ADARB2: variants seen among roughly 807,000 people sequenced by gnomAD.
ADARB2 encodes the protein adenosine deaminase RNA specific B2 (inactive).
ADARB2 carries 25 observed loss-of-function variants against 62.2 expected under a neutral mutation model. That is an observed-to-expected ratio of 0.40 (90% CI 0.29 to 0.56). The LOEUF is 0.56. Ranked by LOEUF, ADARB2 falls within the 20% of genes least tolerant of loss-of-function variation. The pLI, the probability that ADARB2 is intolerant of heterozygous loss-of-function variation, is 0.43. For synonymous variants in ADARB2, 572 were observed against 500.8 expected (o/e 1.14, Z -1.90); for missense variants, 1,071 against 1,077.4 (o/e 0.99, Z 0.08).
intron 4 of ADARB2, among the ~76,000 whole-genome samples, chr10:1,263,492 T>C (rs958661129): frequency 2.6e-5 from 4 of 152,204 alleles, no homozygotes; most frequent in African/African-American, 9.7e-5. Flanking sequence ...CTTTGAGATA[T>C]AATATGGCGT....
intron 3 of ADARB2, among the ~76,000 whole-genome samples, chr10:1,316,677 T>A (rs1831742790): frequency 1.3e-5 from 2 of 152,176 alleles, no homozygotes; most frequent in Admixed American, 6.5e-5. Context: ...CAGGGCCCTC[T>A]ATTGCTGTGC....
chr10:1,495,696 T>C (rs765210223), intron 1 of ADARB2, among the ~76,000 whole-genome samples: 9 of 66,852 alleles, frequency 1.3e-4, no homozygotes, highest in Non-Finnish European at 3.7e-4. Flanking sequence ...AACATGATTG[T>C]CACCATACTT....
At chr10:1,377,496 CGCTCCTGGGGTGTGTGTTTGTGTGT>C (rs371396382) in intron 2 of ADARB2, among the ~76,000 whole-genome samples, 82 of 115,876 alleles carry the variant, frequency 7.1e-4, no homozygotes, top group African/African-American at 2.7e-3. Flanking sequence ...TGTGTGTGTG[CGCTCCTGGGGTGTGTGTTTGTGTGT>C]GCTCCTGGGG....
chr10:1,480,997 A>T (rs139382767), intron 1 of ADARB2, among the ~76,000 whole-genome samples: 1,617 of 152,294 alleles, frequency 0.011, 28 homozygotes, highest in South Asian at 0.058. Context: ...AAGGGCCTTG[A>T]ATGGTCAAAA....
Position 1,248,447 on chromosome 10 carries a change from T to C in ADARB2, c.1193-6148A>G, listed in dbSNP as rs371794584. On this transcript the variant is annotated intron_variant, in intron 4 of 9. Coordinates refer to ENST00000381312, the MANE Select transcript of ADARB2 (RefSeq NM_018702.4). ...GCTGACCAAACAGGAAGCTCTGGAG[T>C]GTGAGGCAAGGGCGTGCGACGTGTC... Among the ~76,000 whole-genome samples, 58 of 151,536 alleles carry C rather than the reference T, an allele frequency of 3.8e-4. 1 individual carries two copies. In the East Asian group the frequency reaches 9.7e-3, roughly 25 times the overall value.
chr10:1,424,517 T>A (rs1832879394), intron 1 of ADARB2, among the ~76,000 whole-genome samples: 1 of 152,150 alleles, frequency 6.6e-6, no homozygotes, highest in Non-Finnish European at 1.5e-5. Flanking sequence ...ACCGGACAGT[T>A]CTATTGCTGA....
At chr10:1,418,460 G>A (rs1041295465) in intron 1 of ADARB2, among the ~76,000 whole-genome samples, 3 of 152,206 alleles carry the variant, frequency 2.0e-5, no homozygotes, top group Non-Finnish European at 4.4e-5. Flanking sequence ...GCTAGAGGCA[G>A]ACGAGGCCCA....
chr10:1,473,535 C>G (rs745353910), intron 1 of ADARB2, among the ~76,000 whole-genome samples: 19 of 151,962 alleles, frequency 1.3e-4, no homozygotes, highest in Non-Finnish European at 1.8e-4. Flanking sequence ...GTGCCACCAC[C>G]CTTGGCTAAT....
chr10:1,714,578 T>C (rs1481719643), intron 1 of ADARB2, among the ~76,000 whole-genome samples: 1 of 152,238 alleles, frequency 6.6e-6, no homozygotes, highest in Non-Finnish European at 1.5e-5. Context: ...GCCTGGGTCC[T>C]AACTCCCTTC....
At chr10:1,307,333 T>G (rs1165320461) in intron 3 of ADARB2, among the ~76,000 whole-genome samples, 1 of 131,068 alleles carries the variant, frequency 7.6e-6, no homozygotes, top group African/African-American at 2.6e-5. Context: ...GAAAAAATGC[T>G]CACCATCACT....
At chr10:1,256,744 A>G (rs1212295602) in intron 4 of ADARB2, among the ~76,000 whole-genome samples, 2 of 152,246 alleles carry the variant, frequency 1.3e-5, no homozygotes, top group Non-Finnish European at 2.9e-5. Flanking sequence ...TCCTACCCCC[A>G]AGAAAGAGGT....
intron 8 of ADARB2, among the ~76,000 whole-genome samples, chr10:1,197,785 T>A (rs375064311): frequency 1.3e-5 from 2 of 152,216 alleles, no homozygotes; most frequent in African/African-American, 4.8e-5. Context: ...AGCGAATTTA[T>A]CCTACCCAGA....
At chr10:1,447,140 C>T (rs564306815) in intron 1 of ADARB2, among the ~76,000 whole-genome samples, 3 of 152,278 alleles carry the variant, frequency 2.0e-5, no homozygotes, top group Admixed American at 6.5e-5. Context: ...TAGCAGCCTT[C>T]GGATGCACGG....
chr10:1,351,250 T>C lies in ADARB2; in HGVS notation c.1077+11778A>G, dbSNP rs559732032. Among the ~76,000 whole-genome samples the C allele has an allele frequency of 6.4e-4, 97 of 152,318 alleles. 1 individual carries two copies. Among genetic ancestry groups the C allele is most frequent in the African/African-American group, 2.1e-3 (89 of 41,562 alleles). On this transcript the variant is annotated intron_variant, in intron 3 of 9. Transcript: ENST00000381312. ...CTGCCCGATCACCTCAGAAGCCTCC[T>C]GGACCATCACGGATGCTGAGCTTCG... is the stretch of plus-strand genomic sequence containing the variant.
intron 1 of ADARB2, among the ~76,000 whole-genome samples, chr10:1,460,185 A>G (rs1471764560): frequency 5.9e-4 from 13 of 22,084 alleles, no homozygotes; most frequent in East Asian, 4.1e-3. Flanking sequence ...CCTGTGTAAC[A>G]AACCTGCCTG....
intron 1 of ADARB2, among the ~76,000 whole-genome samples, chr10:1,430,179 C>A (rs765101986): frequency 1.3e-5 from 2 of 152,086 alleles, no homozygotes; most frequent in Non-Finnish European, 2.9e-5. Context: ...TGTCAGTAGA[C>A]CATGGTGCAG....
At chr10:1,734,006 GT>G (rs5782600) in intron 1 of ADARB2, among the ~76,000 whole-genome samples, 69,634 of 148,754 alleles carry the variant, frequency 0.47, 17,060 homozygotes, top group Non-Finnish European at 0.55. Context: ...CCTTCTCATA[GT>G]TTTTTTTTTT....
intron 1 of ADARB2, among the ~76,000 whole-genome samples, chr10:1,531,946 C>A (rs1302235499): frequency 6.6e-6 from 1 of 152,228 alleles, no homozygotes; most frequent in Non-Finnish European, 1.5e-5. Flanking sequence ...GTTCCTCCGG[C>A]ATTCTGTGTA....
intron 1 of ADARB2, among the ~76,000 whole-genome samples, chr10:1,428,152 T>C (rs1830725966): frequency 6.6e-6 from 1 of 151,820 alleles, no homozygotes; most frequent in Non-Finnish European, 1.5e-5. Context: ...TTTGTATTTT[T>C]AGTAGATATG....
Sources: allele counts gnomAD v4.1 joint callset (sites outside exome capture counted in the v4.1 genomes callset), GRCh38; gene constraint gnomAD v4.1.1; transcripts MANE v1.5; gene names NCBI Gene and HGNC (gene_info 2026-07-23, HGNC 2026-07-21).